Variants in HMCN1 observed in about 807,000 individuals in gnomAD.
HMCN1 encodes the protein hemicentin-1.
A neutral mutation model predicts 625.9 loss-of-function variants in HMCN1; 321 were observed. The ratio of observed to expected loss-of-function variants is 0.51; its 90% CI spans 0.47 to 0.56. The LOEUF is 0.56. HMCN1 is among the 20% of genes least tolerant of loss of function. The pLI, the probability that HMCN1 is intolerant of heterozygous loss-of-function variation, is 0.00. For missense variants in HMCN1, 6,588 were observed against 6,887.3 expected (o/e 0.96, Z 1.54); for synonymous variants, 2,425 against 2,417.6 (o/e 1.00, Z -0.09).
intron 2 of HMCN1, among the ~76,000 whole-genome samples, chr1:185,852,253 G>A (rs1247399829): frequency 6.6e-6 from 1 of 151,882 alleles, no homozygotes; most frequent in Non-Finnish European, 1.5e-5. Flanking sequence ...CCAATTTGGT[G>A]TATACACTTT....
chr1:186,171,237 C>A, intron 100 of HMCN1, 100 bp from the exon 101 acceptor site: 1 of 871,464 alleles, frequency 1.1e-6, no homozygotes, highest in Non-Finnish European at 1.9e-6. Flanking sequence ...TAGAGAAGAT[C>A]TTAAACATGG....
chr1:185,980,389 G>T (rs1651532617), intron 16 of HMCN1, among the ~76,000 whole-genome samples: 1 of 152,130 alleles, frequency 6.6e-6, no homozygotes, highest in Non-Finnish European at 1.5e-5. Context: ...TACAGAATTA[G>T]GTTGCAGACT....
chr1:186,001,449 A>G, intron 27 of HMCN1, 21 bp downstream of exon 27: 1 of 1,611,626 alleles, frequency 6.2e-7, no homozygotes, highest in Non-Finnish European at 8.5e-7. Context: ...TCATCCAAAT[A>G]CGTGTAATTC....
intron 1 of HMCN1, among the ~76,000 whole-genome samples, chr1:185,819,324 T>C (rs1400105922): frequency 2.6e-5 from 4 of 152,296 alleles, no homozygotes; most frequent in Non-Finnish European, 5.9e-5. Context: ...TTTCTAAACA[T>C]TGAGGACCAT....
Position 186,117,057 on chromosome 1 carries a change from A to G in HMCN1, c.11625A>G (p.Glu3875=). The change falls in exon 76 of 107, where the codon GAA becomes GAG. Residue 3875 remains glutamate (E), a synonymous_variant. Transcript: ENST00000271588. ...CTGTGGATGACACTGCAACCTATGA[A>G]TGTACTGTGACAAACGGTGCTGGAG... ...SPSVDDTATY[E]CTVTNGAGDD... 1 of 1,613,608 alleles carries G rather than the reference A, an allele frequency of 6.2e-7. No individual in the cohort carries two copies. Among genetic ancestry groups the G allele is most frequent in the Non-Finnish European group, 8.5e-7 (1 of 1,179,588 alleles).
intron 30 of HMCN1, 68 bp downstream of exon 30, chr1:186,007,350 G>A (rs878864627): frequency 3.7e-6 from 5 of 1,369,578 alleles, no homozygotes; most frequent in Non-Finnish European, 5.2e-6. Context: ...GGGTTTACTG[G>A]TAACTACACT....
At chr1:185,800,037 C>A (rs1254460640) in intron 1 of HMCN1, among the ~76,000 whole-genome samples, 5 of 152,134 alleles carry the variant, frequency 3.3e-5, no homozygotes, top group African/African-American at 1.2e-4. Context: ...GCTACTGGGG[C>A]AATGTTCTAG....
chr1:185,827,089 A>G lies in HMCN1; in HGVS notation c.269-18937A>G, dbSNP rs987347193. Among the ~76,000 whole-genome samples, 11 of 150,320 alleles carry G rather than the reference A, an allele frequency of 7.3e-5. No individual in the cohort carries two copies. In the East Asian group the frequency reaches 2.0e-3, roughly 27 times the overall value. ...CGGGAGGCTGAGGCAGGAGAATGGC[A>G]TGAACCCGGGAGGCAGAGCTTGCAG... On this transcript the variant is annotated intron_variant, in intron 1 of 106. Coordinates refer to ENST00000271588, the MANE Select transcript of HMCN1 (RefSeq NM_031935.3).
intron 6 of HMCN1, among the ~76,000 whole-genome samples, chr1:185,913,944 G>A (rs1031740746): frequency 3.6e-4 from 55 of 152,172 alleles, no homozygotes; most frequent in African/African-American, 1.1e-3. Flanking sequence ...TGAGAACTCT[G>A]TTTAGACAAG....
intron 5 of HMCN1, among the ~76,000 whole-genome samples, chr1:185,910,858 C>T (rs73062135): frequency 0.071 from 10,806 of 152,158 alleles, 1,343 homozygotes; most frequent in African/African-American, 0.25. Flanking sequence ...CGTGAGCCAC[C>T]GTGCCTGGCC....
rs1355116513 is a variant in HMCN1, at chr1:186,076,464, A to G, written c.8327A>G (p.Asn2776Ser). The change falls in exon 54 of 107, where the codon AAC (asparagine) becomes AGC (serine). Residue 2776 changes from asparagine (N) to serine (S), a missense_variant. Physicochemically the swap from Asn to Ser is conservative, Grantham distance 46. Coordinates refer to ENST00000271588, the MANE Select transcript of HMCN1 (RefSeq NM_031935.3). Reference protein sequence around the residue: ...PSFQKLWEIGNMLDTGRNGEA... With the variant: ...PSFQKLWEIGSMLDTGRNGEA... Reference sequence around the variant, plus strand: ...TTTCAGAAACTCTGGGAAATAGGAAACATGCTAGATACTGGCAGGAATGGT... The same window carrying G: ...TTTCAGAAACTCTGGGAAATAGGAAGCATGCTAGATACTGGCAGGAATGGT... The G allele has an allele frequency of 6.2e-7, 1 of 1,613,712 alleles. No individual in the cohort carries two copies. Among genetic ancestry groups the G allele is most frequent in the Admixed American group, 1.7e-5 (1 of 59,962 alleles).
intron 52 of HMCN1, among the ~76,000 whole-genome samples, chr1:186,072,581 A>G (rs931997902): frequency 2.6e-5 from 4 of 152,202 alleles, no homozygotes; most frequent in Non-Finnish European, 5.9e-5. Flanking sequence ...AGAAAACTCA[A>G]TATGAGAGAA....
chr1:185,928,876 C>G (rs1667405719), intron 10 of HMCN1, among the ~76,000 whole-genome samples: 1 of 152,014 alleles, frequency 6.6e-6, no homozygotes, highest in South Asian at 2.1e-4. Context: ...AACTCAATGC[C>G]TTGGTTTCCC....
chr1:185,780,943 C>G (rs140752950), intron 1 of HMCN1, among the ~76,000 whole-genome samples: 6,225 of 152,186 alleles, frequency 0.041, 416 homozygotes, highest in African/African-American at 0.14. Context: ...CTCGTTGTAC[C>G]TCTGGTAGAA....
intron 26 of HMCN1, among the ~76,000 whole-genome samples, chr1:186,000,824 G>T (rs781462724): frequency 6.6e-6 from 1 of 151,830 alleles, no homozygotes; most frequent in Non-Finnish European, 1.5e-5. Context: ...AATGATGAGC[G>T]TGTAGGTTAT....
Position 186,061,005 on chromosome 1 carries a change from C to T in HMCN1, c.7313-846C>T, listed in dbSNP as rs1657652561. 2.0e-5 allele frequency among the ~76,000 whole-genome samples: 3 copies of T among 152,036 alleles called. No individual in the cohort carries two copies. In the South Asian group the frequency reaches 6.2e-4, roughly 31 times the overall value. On this transcript the variant is annotated intron_variant, in intron 46 of 106. Coordinates refer to ENST00000271588, the MANE Select transcript of HMCN1 (RefSeq NM_031935.3). ...ATTCCTTAGCATAGCATTCATGGGCCCATACAATCTGGCCATACTCCATCT... is the reference window on the plus strand; with the variant it reads ...ATTCCTTAGCATAGCATTCATGGGCTCATACAATCTGGCCATACTCCATCT...
At position 186,117,631 on chromosome 1, in the gene HMCN1, C is replaced by T. The variant is rs781769710; in HGVS notation, c.11848+8C>T. The T allele has an allele frequency of 1.9e-6, 3 of 1,611,554 alleles. No homozygotes were observed. The highest frequency in any genetic ancestry group is 2.5e-6 in the Non-Finnish European group (3 of 1,177,830). ...ATAGAATTCTGTCCTCAGGTAAGACCAAGCTCAGTGATTTCACATCTATTG... is the reference window on the plus strand; with the variant it reads ...ATAGAATTCTGTCCTCAGGTAAGACTAAGCTCAGTGATTTCACATCTATTG... On this transcript the variant is annotated splice_region_variant and intron_variant, in intron 77 of 106. Transcript: ENST00000271588.
intron 98 of HMCN1, 113 bp downstream of exon 98, chr1:186,165,286 T>C (rs1651810800): frequency 1.1e-6 from 1 of 929,906 alleles, no homozygotes; most frequent in Admixed American, 2.0e-5. Flanking sequence ...ACAACAGTTC[T>C]GTAAACATCC....
chr1:185,779,830 G>T (rs946864284), intron 1 of HMCN1, among the ~76,000 whole-genome samples: 2 of 152,178 alleles, frequency 1.3e-5, no homozygotes, highest in African/African-American at 4.8e-5. Context: ...GGCAATGCAG[G>T]CTCTTTTTTG....
Sources: allele counts gnomAD v4.1 joint callset (sites outside exome capture counted in the v4.1 genomes callset), GRCh38; gene constraint gnomAD v4.1.1; transcripts MANE v1.5; gene names NCBI Gene and HGNC (gene_info 2026-07-23, HGNC 2026-07-21).